Variants in ASCC1 observed in about 807,000 individuals in gnomAD.
ASCC1 encodes the protein activating signal cointegrator 1 complex subunit 1.
ASCC1 carries 35 observed loss-of-function variants against 46.6 expected under a neutral mutation model. That is an observed-to-expected ratio of 0.75 (90% CI 0.57 to 0.99). The LOEUF is 0.99. ASCC1 is among the 50% of genes least tolerant of loss of function. The pLI is 0.00. For missense variants in ASCC1, 376 were observed against 428.7 expected (o/e 0.88, Z 1.09); for synonymous variants, 143 against 146.6 (o/e 0.98, Z 0.18).
Position 72,133,120 on chromosome 10 carries a change from C to T in ASCC1, c.808G>A (p.Glu270Lys). 1 of 1,614,080 alleles carries T rather than the reference C, an allele frequency of 6.2e-7. No individual in the cohort carries two copies. Residue 270 changes from glutamate to lysine, a missense_variant, in exon 8 of 10, where the codon GAG becomes AAG. Glu to Lys is a moderately conservative substitution (Grantham distance 56). Transcript: ENST00000672957. ...GCATGCAGTTTCACACTATTCCACT[C>T]TTTCACTATTAGTCCAGATGCCTGA... ...RFQASGLIVKEWNSVKLHATV... is the reference protein window; with the variant it reads ...RFQASGLIVKKWNSVKLHATV...
intron 4 of ASCC1, 122 bp from the exon 5 acceptor site, chr10:72,197,111 CAG>C (rs1205039082): frequency 1.3e-5 from 11 of 845,294 alleles, no homozygotes; most frequent in Middle Eastern, 3.2e-4. Flanking sequence ...TGAATCTAAA[CAG>C]GGGACAATAA....
chr10:72,160,707 A>G (rs1300275837), intron 6 of ASCC1, among the ~76,000 whole-genome samples: 4 of 151,282 alleles, frequency 2.6e-5, no homozygotes, highest in Non-Finnish European at 5.9e-5. Flanking sequence ...CCTAAAAAAA[A>G]TAAAAATAAA....
At chr10:72,116,493 C>T (rs992808707) in intron 9 of ASCC1, among the ~76,000 whole-genome samples, 1 of 151,750 alleles carries the variant, frequency 6.6e-6, no homozygotes, top group Non-Finnish European at 1.5e-5. Flanking sequence ...ACCAACCATG[C>T]CCCATTCTCT....
chr10:72,204,296 T>C, intron 3 of ASCC1: 4 of 1,040,604 alleles, frequency 3.8e-6, no homozygotes, highest in Middle Eastern at 2.1e-4. Flanking sequence ...AAAATTAGAA[T>C]ATCTGAGGAC....
rs1009727445 is a variant in ASCC1 at position 72,096,707 on chromosome 10, C to T, written c.*627G>A. On this transcript the variant is annotated 3_prime_UTR_variant, in exon 10 of 10. Transcript: ENST00000672957. The stretch of plus-strand genomic sequence containing the variant: ...AACAGAGTGTGGTACGCACATGTAA[C>T]GGAACATTCCATTATATGTATAATA... 15 of 453,914 alleles carry T rather than the reference C, an allele frequency of 3.3e-5. No homozygotes were observed. Among genetic ancestry groups the T allele is most frequent in the Non-Finnish European group, 4.8e-5 (11 of 226,808 alleles). 28.1% of individuals were successfully genotyped at this position (453,914 alleles called of 1,614,324 possible). A position where few individuals can be genotyped will look rare whatever the true frequency, so the allele number is the denominator to read the frequency against.
chr10:72,157,899 A>C (rs1344144041), intron 6 of ASCC1, among the ~76,000 whole-genome samples: 1 of 152,194 alleles, frequency 6.6e-6, no homozygotes, highest in African/African-American at 2.4e-5. Context: ...TTTAATGCTC[A>C]AGTACAATTA....
chr10:72,188,683 A>G (rs1409792200), intron 5 of ASCC1, among the ~76,000 whole-genome samples: 1 of 152,170 alleles, frequency 6.6e-6, no homozygotes, highest in Non-Finnish European at 1.5e-5. Flanking sequence ...TTTAACTCGC[A>G]GTAAAGTATA....
At chr10:72,207,246 T>C (rs1301344656) in intron 3 of ASCC1, among the ~76,000 whole-genome samples, 1 of 151,964 alleles carries the variant, frequency 6.6e-6, no homozygotes, top group Non-Finnish European at 1.5e-5. Flanking sequence ...ACCCCGTCTC[T>C]AACAAAAACA....
chr10:72,107,420 C>T (rs1842462537), intron 9 of ASCC1, among the ~76,000 whole-genome samples: 2 of 151,924 alleles, frequency 1.3e-5, no homozygotes, highest in East Asian at 3.9e-4. Context: ...TCTGGGCCAC[C>T]TGTGAGATTA....
intron 5 of ASCC1, among the ~76,000 whole-genome samples, chr10:72,163,417 G>C (rs1226562855): frequency 6.6e-6 from 1 of 152,066 alleles, no homozygotes; most frequent in South Asian, 2.1e-4. Flanking sequence ...TACACACAGT[G>C]GAATATTATT....
intron 5 of ASCC1, among the ~76,000 whole-genome samples, chr10:72,166,947 T>C (rs536043650): frequency 7.8e-4 from 118 of 152,138 alleles, no homozygotes; most frequent in African/African-American, 2.7e-3. Flanking sequence ...CAAGTGTAGA[T>C]GAGGATATGG....
At chr10:72,109,093 T>C (rs1463444434) in intron 9 of ASCC1, among the ~76,000 whole-genome samples, 2 of 152,270 alleles carry the variant, frequency 1.3e-5, no homozygotes, top group African/African-American at 4.8e-5. Context: ...TGAGAGCCAA[T>C]AATATTATAG....
chr10:72,189,007 C>T (rs182582249), intron 5 of ASCC1, among the ~76,000 whole-genome samples: 261 of 152,190 alleles, frequency 1.7e-3, no homozygotes, highest in African/African-American at 6.1e-3. Context: ...CCTCCAGCCT[C>T]GGCCTCCCAA....
chr10:72,187,436 T>G (rs1853629720), intron 5 of ASCC1, among the ~76,000 whole-genome samples: 1 of 147,678 alleles, frequency 6.8e-6, no homozygotes, highest in Admixed American at 6.8e-5. Flanking sequence ...ACCCCTTCTC[T>G]TAGGCCGGGC....
At chr10:72,098,031 C>A (rs969506331) in intron 9 of ASCC1, among the ~76,000 whole-genome samples, 1 of 152,226 alleles carries the variant, frequency 6.6e-6, no homozygotes, top group African/African-American at 2.4e-5. Flanking sequence ...GCCAACAGAA[C>A]AAGTACAAGT....
intron 5 of ASCC1, among the ~76,000 whole-genome samples, chr10:72,164,672 T>C (rs1405199634): frequency 3.3e-5 from 5 of 152,228 alleles, no homozygotes; most frequent in African/African-American, 9.6e-5. Flanking sequence ...CTGGGTCACA[T>C]GGCAATTCTA....
intron 4 of ASCC1, among the ~76,000 whole-genome samples, chr10:72,201,052 T>G (rs200743399): frequency 6.6e-6 from 1 of 152,202 alleles, no homozygotes; most frequent in Non-Finnish European, 1.5e-5. Flanking sequence ...CTACACTGCA[T>G]GGATATAGAA....
intron 5 of ASCC1, among the ~76,000 whole-genome samples, chr10:72,172,405 A>G (rs1004033231): frequency 1.4e-5 from 2 of 138,946 alleles, no homozygotes; most frequent in African/African-American, 5.4e-5. Context: ...AAAGAGCAAA[A>G]CTCAGTCTCA....
In ASCC1 at chr10:72,108,007, C is replaced by T. The variant is rs138520516; in HGVS notation, c.958-10557G>A. 2.9e-3 allele frequency among the ~76,000 whole-genome samples: 447 copies of T among 151,704 alleles called. 2 individuals are homozygous for T. The highest frequency in any genetic ancestry group is 7.5e-3 in the South Asian group (36 of 4,800). On this transcript the variant is annotated intron_variant, in intron 9 of 9. Transcript: ENST00000672957. The stretch of plus-strand genomic sequence containing the variant: ...AAACTTCCCTCTTACATTTCTCATA[C>T]AAAGACTTAAAAGACTATCACATCA...
Sources: allele counts gnomAD v4.1 joint callset (sites outside exome capture counted in the v4.1 genomes callset), GRCh38; gene constraint gnomAD v4.1.1; transcripts MANE v1.5; gene names NCBI Gene and HGNC (gene_info 2026-07-23, HGNC 2026-07-21).